CGRRF1: variants seen among roughly 807,000 people sequenced by gnomAD.
CGRRF1 encodes cell growth regulator with RING finger domain protein 1.
A neutral mutation model predicts 37.2 loss-of-function variants in CGRRF1; 32 were observed. The ratio of observed to expected loss-of-function variants is 0.86; its 90% CI spans 0.65 to 1.16. The LOEUF (loss-of-function observed/expected upper bound fraction) is 1.16. CGRRF1 is among the 50% of genes most tolerant of loss of function. The pLI, the probability that CGRRF1 is intolerant of heterozygous loss-of-function variation, is 0.00. For synonymous variants in CGRRF1, 141 were observed against 140.3 expected, an observed-to-expected ratio of 1.00 and a Z score of -0.04; for missense variants, 391 against 382.6, an observed-to-expected ratio of 1.02 and a Z score of -0.18.
intron 1 of CGRRF1, 124 bp downstream of exon 1, chr14:54,510,187 G>A: frequency 2.9e-6 from 2 of 697,198 alleles, no homozygotes; most frequent in Non-Finnish European, 5.0e-6. Flanking sequence ...CGGTGTCCCC[G>A]GGTGCCTAGA....
intron 1 of CGRRF1, among the ~76,000 whole-genome samples, chr14:54,512,619 C>T (rs1310110549): frequency 6.6e-6 from 1 of 152,200 alleles, no homozygotes; most frequent in South Asian, 2.1e-4. Flanking sequence ...TGGGCTTTGC[C>T]AACAAGGGAG....
At chr14:54,515,969 TTTG>T (rs1050550379) in intron 1 of CGRRF1, among the ~76,000 whole-genome samples, 5 of 152,174 alleles carry the variant, frequency 3.3e-5, no homozygotes, top group African/African-American at 1.2e-4. Context: ...TCGTTTTTTG[TTTG>T]TTTTGTCTGT....
chr14:54,520,550 A>G (rs1320572141), intron 1 of CGRRF1, among the ~76,000 whole-genome samples: 1 of 152,202 alleles, frequency 6.6e-6, no homozygotes, highest in Non-Finnish European at 1.5e-5. Context: ...GCTCTTTCCC[A>G]GTCAGTCCTA....
chr14:54,533,038 G>C (rs2032542017), intron 4 of CGRRF1, among the ~76,000 whole-genome samples: 2 of 151,222 alleles, frequency 1.3e-5, no homozygotes, highest in South Asian at 4.2e-4. Context: ...TTCCCTCCCA[G>C]CTTCCCCATT....
chr14:54,533,265 G>A (rs2032548564), intron 4 of CGRRF1, among the ~76,000 whole-genome samples: 1 of 152,076 alleles, frequency 6.6e-6, no homozygotes, highest in Non-Finnish European at 1.5e-5. Context: ...TCAGGTCCCT[G>A]ATCACACTGG....
At chr14:54,512,167 T>G (rs2032140139) in intron 1 of CGRRF1, among the ~76,000 whole-genome samples, 1 of 152,224 alleles carries the variant, frequency 6.6e-6, no homozygotes, top group Non-Finnish European at 1.5e-5. Context: ...TAATACCATC[T>G]CTACTGTTCA....
At chr14:54,527,990 C>G (rs2032442372) in intron 2 of CGRRF1, among the ~76,000 whole-genome samples, 1 of 152,178 alleles carries the variant, frequency 6.6e-6, no homozygotes. Context: ...ATCTGCACAT[C>G]TTGGCCTCCC....
In CGRRF1 at chr14:54,534,616, TAAA is replaced by T. The variant is rs557354176; in HGVS notation, c.571-3102_571-3100del. ...ACATAATTTCAAAAAGTTGCAAAAATAAAAAAGTAAAAGATCACCCATATACCC... is the reference window on the plus strand; with the variant it reads ...ACATAATTTCAAAAAGTTGCAAAAATAAAGTAAAAGATCACCCATATACCC... On this transcript the variant is annotated intron_variant, in intron 4 of 5. Transcript: ENST00000216420. Among the ~76,000 whole-genome samples, 232 of 152,268 alleles carry T rather than the reference TAAA, an allele frequency of 1.5e-3. 2 individuals carry two copies. The highest frequency in any genetic ancestry group is 5.3e-3 in the African/African-American group (220 of 41,574).
At chr14:54,511,035 G>A (rs1191548824) in intron 1 of CGRRF1, among the ~76,000 whole-genome samples, 5 of 152,216 alleles carry the variant, frequency 3.3e-5, no homozygotes, top group African/African-American at 1.2e-4. Flanking sequence ...AATGTATATA[G>A]TAGGGAAGAA....
intron 2 of CGRRF1, among the ~76,000 whole-genome samples, chr14:54,525,028 C>G (rs1443447291): frequency 1.3e-5 from 2 of 152,084 alleles, no homozygotes; most frequent in African/African-American, 4.8e-5. Flanking sequence ...GCCTGGGTGA[C>G]AGAGTGAGAC....
intron 1 of CGRRF1, among the ~76,000 whole-genome samples, chr14:54,521,594 T>C (rs1019088624): frequency 6.6e-6 from 1 of 151,426 alleles, no homozygotes; most frequent in African/African-American, 2.4e-5. Flanking sequence ...AACCTCTGCC[T>C]TCCGGGTTCA....
At chr14:54,536,172 G>A (rs2032598796) in intron 4 of CGRRF1, 1 of 151,518 alleles carries the variant, frequency 6.6e-6, no homozygotes, top group South Asian at 2.1e-4. Flanking sequence ...CATACTCTAT[G>A]CTACATATGC....
At chr14:54,520,625 G>A (rs1387360037) in intron 1 of CGRRF1, among the ~76,000 whole-genome samples, 3 of 152,158 alleles carry the variant, frequency 2.0e-5, no homozygotes, top group Non-Finnish European at 4.4e-5. Flanking sequence ...TGTTGTGCCT[G>A]CTCTAGAATT....
At position 54,522,541 on chromosome 14, in the gene CGRRF1, C is replaced by G. The variant is rs758543565; in HGVS notation, c.192C>G (p.Val64=). The change falls in exon 2 of 6, where the codon GTC becomes GTG. Residue 64 remains valine (V), a synonymous_variant. Transcript: ENST00000216420. ...TTTTCAAAAAGCAAATGAGACAAGTCAAGAATCCTTTTGGCTTAGAGATCA... is the reference window on the plus strand; with the variant it reads ...TTTTCAAAAAGCAAATGAGACAAGTGAAGAATCCTTTTGGCTTAGAGATCA... ...TRVFKKQMRQ[V]KNPFGLEITN... is the part of the protein sequence containing the mutation. 4 of 1,606,256 alleles carry G rather than the reference C, an allele frequency of 2.5e-6. No individual in the cohort carries two copies. In the South Asian group the frequency reaches 4.5e-5, roughly 18 times the overall value.
intron 1 of CGRRF1, among the ~76,000 whole-genome samples, chr14:54,520,765 C>T (rs185565081): frequency 2.7e-3 from 415 of 152,284 alleles, no homozygotes; most frequent in Admixed American, 7.6e-3. Context: ...TACTTCTATT[C>T]TTTTCTTTAA....
rs2032628439 is a variant in CGRRF1 at position 54,538,105 on chromosome 14, A to G, written c.721A>G (p.Asn241Asp). Residue 241 changes from asparagine to aspartate, a missense_variant, in exon 6 of 6, where the codon AAT becomes GAT. Asn to Asp is a conservative substitution (Grantham distance 23). Coordinates refer to ENST00000216420, the MANE Select transcript of CGRRF1 (RefSeq NM_006568.3). ...AAATAATAATTTCACTCCCTCCAAC[A>G]ATTCCTCTTCAGAAGAAAAAAACAC... The part of the protein sequence containing the change: ...SANNNFTPSN[N>D]SSSEEKNTDR... 1.2e-6 allele frequency: 2 copies of G among 1,613,740 alleles called. No homozygotes were observed. The highest frequency in any genetic ancestry group is 1.7e-6 in the Non-Finnish European group (2 of 1,179,962).
chr14:54,530,118 A>G lies in CGRRF1; in HGVS notation c.314A>G (p.Gln105Arg). ...ACATGCTACTGGGGGTGCAGTGTTCAAAAATTATATGAAGCTCTGCAGAAG... is the reference window on the plus strand; with the variant it reads ...ACATGCTACTGGGGGTGCAGTGTTCGAAAATTATATGAAGCTCTGCAGAAG... Reference protein sequence around the residue: ...LLTCYWGCSVQKLYEALQKHV... With the variant: ...LLTCYWGCSVRKLYEALQKHV... Residue 105 changes from glutamine to arginine, a missense_variant, in exon 3 of 6, where the codon CAA (glutamine) becomes CGA (arginine). Gln to Arg is a conservative substitution (Grantham distance 43). Transcript: ENST00000216420. The G allele has an allele frequency of 3.1e-6, 5 of 1,613,478 alleles. No homozygotes were observed. The highest frequency in any genetic ancestry group is 4.2e-6 in the Non-Finnish European group (5 of 1,179,456).
At chr14:54,515,803 CT>C (rs1471753750) in intron 1 of CGRRF1, among the ~76,000 whole-genome samples, 3 of 151,778 alleles carry the variant, frequency 2.0e-5, no homozygotes, top group Admixed American at 2.0e-4. Context: ...CTCTTTTTGT[CT>C]TTTTATTTAA....
chr14:54,515,070 T>C (rs188616821), intron 1 of CGRRF1, among the ~76,000 whole-genome samples: 86 of 151,498 alleles, frequency 5.7e-4, no homozygotes, highest in Non-Finnish European at 1.1e-3. Flanking sequence ...TATATTCTGC[T>C]ATTATTGGGT....
Sources: gnomAD v4.1 joint callset for allele counts (sites outside exome capture counted in the v4.1 genomes callset) on GRCh38, gnomAD v4.1.1 for gene constraint, MANE v1.5 for transcripts, NCBI Gene and HGNC (gene_info 2026-07-23, HGNC 2026-07-21) for gene names.